Variants in TRHDE observed in about 807,000 individuals in gnomAD.
The protein encoded by TRHDE is thyrotropin releasing hormone degrading enzyme.
In TRHDE, 72 loss-of-function variants were observed where a neutral mutation model predicts 125.7. The observed-to-expected ratio is 0.57, with a 90% CI of 0.47 to 0.70. TRHDE has a LOEUF of 0.70. Ranked by LOEUF, TRHDE falls within the 30% of genes least tolerant of loss-of-function variation. The pLI is 0.00. For synonymous variants in TRHDE, 509 were observed against 509.1 expected (o/e 1.00, Z 0.00); for missense variants, 1,110 against 1,327.1 (o/e 0.84, Z 2.54).
intron 2 of TRHDE, chr12:72,262,784 T>C (rs1053677994): frequency 1.3e-5 from 2 of 152,118 alleles, no homozygotes; most frequent in African/African-American, 4.8e-5. Flanking sequence ...AAAGAGAACA[T>C]TAATAGCCAT....
rs572452157 is a variant in TRHDE, at chr12:72,519,472, C to T, written c.1722+19837C>T. ...GCTTCTGCATTCTTCACGTAGTTCT[C>T]GAGCCTTGGTTTTCAGCTCCATCAG... On this transcript the variant is annotated intron_variant, in intron 6 of 18. Transcript: ENST00000261180. Among the ~76,000 whole-genome samples the T allele has an allele frequency of 4.9e-3, 751 of 152,218 alleles. 9 individuals carry two copies. Among genetic ancestry groups the T allele is most frequent in the African/African-American group, 0.016 (676 of 41,536 alleles).
At position 72,667,448 on chromosome 12, in the gene TRHDE, TAAAG is replaced by T. The variant is rs761040158; in HGVS notation, c.*4257_*4260del. On this transcript the variant is annotated 3_prime_UTR_variant, in exon 19 of 19. Transcript: ENST00000261180. Reference sequence around the variant, plus strand: ...TATAGATACAATATATAACTATACTTAAAGAAATATTTATTGAGCATCTTTTATT... The same window carrying T: ...TATAGATACAATATATAACTATACTTAAATATTTATTGAGCATCTTTTATT... 6.6e-6 allele frequency: 1 copy of T among 151,602 alleles called. No individual in the cohort carries two copies. The highest frequency in any genetic ancestry group is 1.5e-5 in the Non-Finnish European group (1 of 67,736). 9.4% of individuals were successfully genotyped at this position (151,602 alleles called of 1,614,324 possible). A position where few individuals can be genotyped will look rare whatever the true frequency, so the allele number is the denominator to read the frequency against.
chr12:72,142,455 T>C (rs1208036642), intron 2 of TRHDE, among the ~76,000 whole-genome samples: 1 of 152,094 alleles, frequency 6.6e-6, no homozygotes, highest in African/African-American at 2.4e-5. Context: ...TGGATACACT[T>C]GGGGTAACTT....
intron 2 of TRHDE, among the ~76,000 whole-genome samples, chr12:72,360,654 G>C (rs1871029112): frequency 6.6e-6 from 1 of 151,664 alleles, no homozygotes; most frequent in Admixed American, 6.6e-5. Flanking sequence ...CTTTTGAAGA[G>C]AAATGGATAA....
At chr12:72,588,076 C>CA (rs1298508058) in intron 12 of TRHDE, among the ~76,000 whole-genome samples, 12 of 152,060 alleles carry the variant, frequency 7.9e-5, no homozygotes, top group African/African-American at 2.7e-4. Flanking sequence ...CTTTCACGGA[C>CA]AAAATAAAGA....
At chr12:72,320,162 A>G (rs1367542276) in intron 2 of TRHDE, among the ~76,000 whole-genome samples, 2 of 152,064 alleles carry the variant, frequency 1.3e-5, no homozygotes, top group Admixed American at 6.6e-5. Context: ...TGAGGAGTGT[A>G]TATGCATACA....
intron 2 of TRHDE, among the ~76,000 whole-genome samples, chr12:72,318,079 A>G (rs1868891672): frequency 6.6e-6 from 1 of 152,200 alleles, no homozygotes; most frequent in Admixed American, 6.5e-5. Context: ...CCTTTAACCA[A>G]AGACCACCAG....
intron 2 of TRHDE, among the ~76,000 whole-genome samples, chr12:72,115,977 T>C (rs1875433923): frequency 6.6e-6 from 1 of 152,152 alleles, no homozygotes; most frequent in Non-Finnish European, 1.5e-5. Flanking sequence ...TCTGCATGCA[T>C]TAGGTATTTG....
chr12:72,490,335 G>T (rs1304390564), intron 5 of TRHDE, among the ~76,000 whole-genome samples: 1 of 151,820 alleles, frequency 6.6e-6, no homozygotes, highest in Non-Finnish European at 1.5e-5. Context: ...GATAACCAAT[G>T]TTGGAAAAGT....
chr12:72,217,023 T>C (rs1031634888), intron 2 of TRHDE, among the ~76,000 whole-genome samples: 2 of 152,158 alleles, frequency 1.3e-5, no homozygotes, highest in African/African-American at 4.8e-5. Flanking sequence ...TGAGCAATTA[T>C]AGTTGTCTGA....
chr12:72,133,076 T>C (rs1439042024), intron 2 of TRHDE, among the ~76,000 whole-genome samples: 1 of 152,082 alleles, frequency 6.6e-6, no homozygotes, highest in Admixed American at 6.5e-5. Flanking sequence ...AGAATATGAA[T>C]TTTTATTTTG....
intron 7 of TRHDE, among the ~76,000 whole-genome samples, chr12:72,553,121 G>T (rs938957365): frequency 2.0e-5 from 3 of 152,152 alleles, no homozygotes; most frequent in African/African-American, 7.2e-5. Context: ...TTTGAAAATA[G>T]AGAATTCAAA....
At chr12:72,186,511 G>A (rs144200911) in intron 2 of TRHDE, 3 of 165,666 alleles carry the variant, frequency 1.8e-5, no homozygotes, top group East Asian at 1.8e-4. Context: ...GACTCCAGAC[G>A]CGCCACCTTA....
intron 2 of TRHDE, among the ~76,000 whole-genome samples, chr12:72,305,141 G>T (rs1475192542): frequency 6.6e-6 from 1 of 152,030 alleles, no homozygotes; most frequent in Non-Finnish European, 1.5e-5. Flanking sequence ...TTACATGTGT[G>T]TTATATCATT....
At chr12:72,491,885 G>A (rs1234673667) in intron 5 of TRHDE, among the ~76,000 whole-genome samples, 4 of 151,948 alleles carry the variant, frequency 2.6e-5, no homozygotes, top group Non-Finnish European at 5.9e-5. Context: ...TAATGCTTAT[G>A]CAAAATCACA....
At chr12:72,434,388 CAA>C (rs34254660) in intron 3 of TRHDE, among the ~76,000 whole-genome samples, 68 of 81,950 alleles carry the variant, frequency 8.3e-4, no homozygotes, top group Non-Finnish European at 9.7e-4. Flanking sequence ...CTCTATGTCT[CAA>C]AAAAAAAAAA....
At chr12:72,126,662 T>C (rs1400957618) in intron 2 of TRHDE, among the ~76,000 whole-genome samples, 1 of 152,166 alleles carries the variant, frequency 6.6e-6, no homozygotes, top group African/African-American at 2.4e-5. Context: ...CTCAGAAGAA[T>C]GAAACTGGAC....
chr12:72,095,372 C>A (rs1592438114), intron 1 of TRHDE, among the ~76,000 whole-genome samples: 1 of 152,076 alleles, frequency 6.6e-6, no homozygotes, highest in East Asian at 1.9e-4. Context: ...CTGTAGAGAT[C>A]CTAGGAAGGA....
intron 2 of TRHDE, among the ~76,000 whole-genome samples, chr12:72,327,032 A>G (rs1869372238): frequency 6.6e-6 from 1 of 151,588 alleles, no homozygotes. Flanking sequence ...ACATTTTTGC[A>G]GTTTGGAGGA....
Sources: allele counts gnomAD v4.1 joint callset (sites outside exome capture counted in the v4.1 genomes callset), GRCh38; gene constraint gnomAD v4.1.1; transcripts MANE v1.5; gene names NCBI Gene and HGNC (gene_info 2026-07-23, HGNC 2026-07-21).